GRAMD2B: variants seen among roughly 807,000 people sequenced by gnomAD.
The protein encoded by GRAMD2B is GRAM domain-containing protein 2B.
GRAMD2B carries 41 observed loss-of-function variants against 59.2 expected under a neutral mutation model. The ratio of observed to expected loss-of-function variants is 0.69; its 90% CI spans 0.54 to 0.90. The LOEUF is 0.90. Among genes scored for constraint, GRAMD2B ranks in the 40% least tolerant of loss-of-function variants. GRAMD2B has a pLI of 0.00. For synonymous variants in GRAMD2B, 161 were observed against 182.7 expected (o/e 0.88, Z 0.96); for missense variants, 424 against 500.5 (o/e 0.85, Z 1.46).
In GRAMD2B at chr5:126,465,510, G is replaced by A. The variant is rs747074262; in HGVS notation, c.168G>A (p.Ala56=). Residue 56 remains alanine, a synonymous_variant, in exon 2 of 14, where the codon GCG becomes GCA. Coordinates refer to ENST00000285689, the MANE Select transcript of GRAMD2B (RefSeq NM_023927.4). ...TAQSPTPSVE[A]DSPDQKKIIS... is the part of the protein sequence containing the mutation. ...AATCCCCTACCCCATCTGTGGAGGC[G>A]GACTCCCCAGACCAGAAGAAAATCA... is the stretch of plus-strand genomic sequence containing the variant. 33 of 1,614,012 alleles carry A rather than the reference G, an allele frequency of 2.0e-5. No homozygotes were observed. Among genetic ancestry groups the A allele is most frequent in the African/African-American group, 4.0e-5 (3 of 74,980 alleles).
chr5:126,457,114 T>C (rs13189063), intron 1 of GRAMD2B, among the ~76,000 whole-genome samples: 129,966 of 149,314 alleles, frequency 0.87, 57,478 homozygotes, highest in East Asian at 0.99. Flanking sequence ...ATGGCATGAA[T>C]GTGGGAGGTG....
chr5:126,422,290 A>G (rs1298661063), upstream of GRAMD2B, among the ~76,000 whole-genome samples: 1 of 150,066 alleles, frequency 6.7e-6, no homozygotes, highest in Non-Finnish European at 1.5e-5. Context: ...TCCATCTCCC[A>G]GGCTCAAGTG....
chr5:126,379,613 G>A (rs1399133203), intron 1 of GRAMD2B, among the ~76,000 whole-genome samples: 2 of 152,022 alleles, frequency 1.3e-5, no homozygotes, highest in Non-Finnish European at 2.9e-5. Flanking sequence ...CAGGAGTAAG[G>A]TGGTATCGCA....
intron 1 of GRAMD2B, among the ~76,000 whole-genome samples, chr5:126,399,529 T>A (rs1757646924): frequency 6.6e-6 from 1 of 152,116 alleles, no homozygotes; most frequent in Admixed American, 6.6e-5. Flanking sequence ...GTAAGACATG[T>A]CTTCCTTCCC....
intron 1 of GRAMD2B, chr5:126,371,621 T>G: frequency 1.6e-6 from 2 of 1,243,484 alleles, no homozygotes; most frequent in Non-Finnish European, 1.0e-6. Context: ...TGGCCTCAGC[T>G]ACCCAACTGG....
At chr5:126,486,576 G>A (rs956941163) in intron 11 of GRAMD2B, among the ~76,000 whole-genome samples, 4 of 152,226 alleles carry the variant, frequency 2.6e-5, no homozygotes, top group African/African-American at 9.6e-5. Flanking sequence ...CGGTAGTACC[G>A]CAGGGAGGAG....
At chr5:126,439,052 C>A (rs757499906) in intron 1 of GRAMD2B, among the ~76,000 whole-genome samples, 1 of 152,046 alleles carries the variant, frequency 6.6e-6, no homozygotes, top group South Asian at 2.1e-4. Flanking sequence ...GTATTGACCA[C>A]GAGGGATTAT....
In GRAMD2B at chr5:126,404,216, T is replaced by A. The variant is rs1031797223; in HGVS notation, c.125+32649T>A. On this transcript the variant is annotated intron_variant, in intron 1 of 8. Transcript: ENST00000506445. ...CAACCCAAGGAAATGAAACCCTTTTTGTGATTGTAATATTTGGTAGAGAGG... is the reference window on the plus strand; with the variant it reads ...CAACCCAAGGAAATGAAACCCTTTTAGTGATTGTAATATTTGGTAGAGAGG... Among the ~76,000 whole-genome samples the A allele has an allele frequency of 1.3e-4, 19 of 152,000 alleles. No individual in the cohort carries two copies. In the East Asian group the frequency reaches 3.5e-3, roughly 28 times the overall value.
chr5:126,360,675 C>T (rs560699520), intron 1 of GRAMD2B, among the ~76,000 whole-genome samples: 1 of 152,212 alleles, frequency 6.6e-6, no homozygotes, highest in African/African-American at 2.4e-5. Flanking sequence ...ACCCCTGATA[C>T]AAGTACATTT....
chr5:126,417,915 C>T (rs1488958950), intron 1 of GRAMD2B, among the ~76,000 whole-genome samples: 1 of 152,134 alleles, frequency 6.6e-6, no homozygotes, highest in Non-Finnish European at 1.5e-5. Flanking sequence ...TAATTTTGGC[C>T]AAGTCACTGA....
At chr5:126,412,264 C>T (rs13181711) in intron 1 of GRAMD2B, among the ~76,000 whole-genome samples, 58,200 of 151,846 alleles carry the variant, frequency 0.38, 13,276 homozygotes, top group Non-Finnish European at 0.51. Flanking sequence ...ATGGCTCTTA[C>T]TATTTTGAGG....
chr5:126,488,855 G>C lies in GRAMD2B; in HGVS notation c.1220G>C (p.Cys407Ser), dbSNP rs1773430211. The change falls in exon 13 of 14, where the codon TGT (cysteine) becomes TCT (serine). Residue 407 changes from cysteine to serine, a missense_variant. Physicochemically the swap from Cys to Ser is moderately radical, Grantham distance 112. Coordinates refer to ENST00000285689, the MANE Select transcript of GRAMD2B (RefSeq NM_023927.4). ...GTACAATTCAATGTGGAGGTTCTCT[G>C]TCAAGAGCTTACAGCTAACATAGTG... ...SQVQFNVEVL[C>S]QELTANIVKL... The C allele has an allele frequency of 6.2e-7, 1 of 1,613,614 alleles. No individual in the cohort carries two copies. The highest frequency in any genetic ancestry group is 8.5e-7 in the Non-Finnish European group (1 of 1,179,740).
intron 8 of GRAMD2B, among the ~76,000 whole-genome samples, chr5:126,481,239 G>T (rs374745485): frequency 5.1e-5 from 3 of 59,172 alleles, no homozygotes; most frequent in Non-Finnish European, 8.1e-5. Context: ...AAGAAAGAAA[G>T]AAAGAAAGAA....
chr5:126,472,837 G>A (rs1204565714), intron 4 of GRAMD2B, among the ~76,000 whole-genome samples: 1 of 152,190 alleles, frequency 6.6e-6, no homozygotes, highest in Non-Finnish European at 1.5e-5. Context: ...AAGATGCTGG[G>A]TTCCTGCCAT....
At chr5:126,452,052 C>G (rs182212099) in intron 1 of GRAMD2B, among the ~76,000 whole-genome samples, 1 of 152,238 alleles carries the variant, frequency 6.6e-6, no homozygotes, top group African/African-American at 2.4e-5. Context: ...GAACTGTGAA[C>G]CAATTAAACC....
At position 126,395,874 on chromosome 5, in the gene GRAMD2B, T is replaced by C. The variant is rs183882116; in HGVS notation, c.125+24307T>C. Among the ~76,000 whole-genome samples, 541 of 152,332 alleles carry C rather than the reference T, an allele frequency of 3.6e-3. 5 individuals carry two copies. The highest frequency in any genetic ancestry group is 0.013 in the South Asian group (65 of 4,822). On this transcript the variant is annotated intron_variant, in intron 1 of 8. Coordinates refer to the GRAMD2B transcript ENST00000506445. ...AGGTGTATGATGTGATGTTTTGATATACACATACATTGTGAAATGATTACC... is the reference window on the plus strand; with the variant it reads ...AGGTGTATGATGTGATGTTTTGATACACACATACATTGTGAAATGATTACC...
chr5:126,455,075 C>T (rs556510644), intron 1 of GRAMD2B, among the ~76,000 whole-genome samples: 2 of 152,280 alleles, frequency 1.3e-5, no homozygotes, highest in South Asian at 2.1e-4. Flanking sequence ...CTCTCCATTG[C>T]GTGCTCTCCC....
chr5:126,472,321 T>C lies in GRAMD2B; in HGVS notation c.382+17T>C, dbSNP rs1308842645. 6.2e-7 allele frequency: 1 copy of C among 1,608,060 alleles called. No individual in the cohort carries two copies. Among genetic ancestry groups the C allele is most frequent in the South Asian group, 1.1e-5 (1 of 90,826 alleles). ...TGAAGCAAAGTAAGTTCTGACCTGT[T>C]TGACTTTTTAAGCTACATATTTGAA... On this transcript the variant is annotated intron_variant, in intron 4 of 13. Transcript: ENST00000285689.
intron 1 of GRAMD2B, among the ~76,000 whole-genome samples, chr5:126,402,369 A>G (rs986405853): frequency 6.6e-6 from 1 of 152,062 alleles, no homozygotes; most frequent in African/African-American, 2.4e-5. Context: ...AGGCTAATGA[A>G]CCCAAGGGTT....
Sources: gnomAD v4.1 joint callset for allele counts (sites outside exome capture counted in the v4.1 genomes callset) on GRCh38, gnomAD v4.1.1 for gene constraint, MANE v1.5 for transcripts, NCBI Gene and HGNC (gene_info 2026-07-23, HGNC 2026-07-21) for gene names.